The following IFI27L2 variants were observed in gnomAD, a reference collection of about 807,000 sequenced individuals.
IFI27L2 encodes interferon alpha-inducible protein 27-like protein 2.
Under a neutral mutation model 7.9 loss-of-function variants are expected in IFI27L2, and 8 were observed. The ratio of observed to expected loss-of-function variants is 1.02; its 90% CI spans 0.60 to 1.84. The LOEUF is 1.84. Among genes scored for constraint, IFI27L2 ranks in the 40% most tolerant of loss-of-function variants. The pLI, the probability that IFI27L2 is intolerant of heterozygous loss-of-function variation, is 0.00. For synonymous variants in IFI27L2, 56 were observed against 66.5 expected, an observed-to-expected ratio of 0.84 and a Z score of 0.77; for missense variants, 190 against 165.8, an observed-to-expected ratio of 1.15 and a Z score of -0.80.
In IFI27L2 at chr14:94,128,016, C is replaced by T. The variant is rs373713582; in HGVS notation, c.200-24G>A. On this transcript the variant is annotated intron_variant, in intron 3 of 3. Coordinates refer to ENST00000238609, the MANE Select transcript of IFI27L2 (RefSeq NM_032036.3). ...CCCTGTGGAGGAGACAGAGAATGAGCACAGGGGTCGGGCAGTGGCCCAGAA... is the reference window on the plus strand; with the variant it reads ...CCCTGTGGAGGAGACAGAGAATGAGTACAGGGGTCGGGCAGTGGCCCAGAA... 43 of 1,568,688 alleles carry T rather than the reference C, an allele frequency of 2.7e-5. No individual in the cohort carries two copies. The Middle Eastern group carries it at 3.0e-3, about 111-fold the overall frequency.
chr14:94,129,183 G>A (rs566824849), intron 2 of IFI27L2, 79 bp downstream of exon 2: 13 of 1,157,924 alleles, frequency 1.1e-5, no homozygotes, highest in Non-Finnish European at 1.5e-5. Context: ...CCAGCCCAGC[G>A]CCTCATCTCT....
intron 2 of IFI27L2, 110 bp from the exon 3 acceptor site, chr14:94,128,785 C>G (rs1256321690): frequency 6.7e-6 from 6 of 900,164 alleles, no homozygotes; most frequent in Non-Finnish European, 1.0e-5. Context: ...TCAGCTTGAG[C>G]AATACAGAGA....
chr14:94,127,783 C>T lies in IFI27L2; in HGVS notation c.*16G>A. 1 of 1,597,252 alleles carries T rather than the reference C, an allele frequency of 6.3e-7. No individual in the cohort carries two copies. The highest frequency in any genetic ancestry group is 2.2e-5 in the East Asian group (1 of 44,764). Reference sequence around the variant, plus strand: ...CTGCAAGAAGCAAAACAGGGAGATGCATCTGCATGTGACCTTTATTCCTCA... The same window carrying T: ...CTGCAAGAAGCAAAACAGGGAGATGTATCTGCATGTGACCTTTATTCCTCA... On this transcript the variant is annotated 3_prime_UTR_variant, in exon 4 of 4. Coordinates refer to ENST00000238609, the MANE Select transcript of IFI27L2 (RefSeq NM_032036.3).
At chr14:94,129,494 G>T (rs940026573) in intron 1 of IFI27L2, 64 bp downstream of exon 1, 2 of 1,495,886 alleles carry the variant, frequency 1.3e-6, no homozygotes, top group Non-Finnish European at 1.9e-6. Flanking sequence ...TCCCTTCCTG[G>T]GCTGGGGTTG....
At chr14:94,128,809 G>A in intron 2 of IFI27L2, 134 bp from the exon 3 acceptor site, 1 of 691,374 alleles carries the variant, frequency 1.4e-6, no homozygotes, top group East Asian at 2.7e-5. Flanking sequence ...CAACTTAGTG[G>A]TCTTCTGGTG....
chr14:94,129,325 G>T, intron 1 of IFI27L2, 34 bp from the exon 2 acceptor site: 4 of 1,368,716 alleles, frequency 2.9e-6, no homozygotes, highest in East Asian at 3.9e-5. Flanking sequence ...GGCAGAGGGA[G>T]ATGGGAAAGG....
chr14:94,129,501 G>A (rs1595419915), intron 1 of IFI27L2, 57 bp downstream of exon 1: 1 of 1,551,506 alleles, frequency 6.4e-7, no homozygotes, highest in African/African-American at 1.4e-5. Context: ...CTGGGCTGGG[G>A]TTGGGGAAGC....
At position 94,128,659 on chromosome 14, in the gene IFI27L2, A is replaced by T; in HGVS notation, c.54T>A (p.Ala18=). The change falls in exon 3 of 4, where the codon GCT becomes GCA. Residue 18 remains alanine, a synonymous_variant. Coordinates refer to ENST00000238609, the MANE Select transcript of IFI27L2 (RefSeq NM_032036.3). The stretch of plus-strand genomic sequence containing the variant: ...CCATGGCACTGAGCACCACGGGCAC[A>T]GCCCCCACTGCCAGGGCTGTGGGGA... ...AAVGGALAVG[A]VPVVLSAMGF... 1 of 1,612,902 alleles carries T rather than the reference A, an allele frequency of 6.2e-7. No homozygotes were observed. Among genetic ancestry groups the T allele is most frequent in the Non-Finnish European group, 8.5e-7 (1 of 1,179,458 alleles).
In IFI27L2 at chr14:94,128,303, T is replaced by C. The variant is rs565115869; in HGVS notation, c.199+211A>G. The C allele has an allele frequency of 5.0e-6, 3 of 604,060 alleles. No homozygotes were observed. In the East Asian group the frequency reaches 8.3e-5, roughly 17 times the overall value. The allele number at this position is 604,060 out of a possible 1,614,324, so 37.4% of individuals were successfully genotyped here. On this transcript the variant is annotated intron_variant, in intron 3 of 3. Transcript: ENST00000238609. ...AGGCATTGCTCTTGGCCTAGGTTCC[T>C]TTCCTCTTCTCCCTACCCAGCACCC...
intron 3 of IFI27L2, 59 bp downstream of exon 3, chr14:94,128,455 G>C: frequency 6.5e-7 from 1 of 1,530,128 alleles, no homozygotes; most frequent in East Asian, 2.3e-5. Flanking sequence ...GCTTCCCTCG[G>C]GCTCAGCCTC....
At chr14:94,129,408 G>C (rs1887644662) in intron 1 of IFI27L2, 117 bp from the exon 2 acceptor site, 1 of 1,028,752 alleles carries the variant, frequency 9.7e-7, no homozygotes, top group Non-Finnish European at 1.5e-6. Flanking sequence ...AGGAAGGGAA[G>C]GGGAGGGAGG....
chr14:94,128,459 C>T, intron 3 of IFI27L2, 55 bp downstream of exon 3: 1 of 1,554,214 alleles, frequency 6.4e-7, no homozygotes, highest in Non-Finnish European at 8.9e-7. Context: ...CCCTCGGGCT[C>T]AGCCTCAGGG....
Position 94,128,563 on chromosome 14 carries a change from G to A in IFI27L2, c.150C>T (p.Asn50=), listed in dbSNP as rs769849022. The change falls in exon 3 of 4, where the codon AAC becomes AAT. Residue 50 remains asparagine, a synonymous_variant. Transcript: ENST00000238609. ...AKMMSAAAIA[N]GGGVSAGSLV... is the part of the protein sequence containing the mutation. Reference sequence around the variant, plus strand: ...GGCTCCCCGCAGAAACACCACCCCCGTTGGCAATGGCTGCTGCGGACATCA... The same window carrying A: ...GGCTCCCCGCAGAAACACCACCCCCATTGGCAATGGCTGCTGCGGACATCA... 1.4e-5 allele frequency: 23 copies of A among 1,614,136 alleles called. No individual in the cohort carries two copies. The highest frequency in any genetic ancestry group is 1.6e-4 in the Middle Eastern group (1 of 6,062).
chr14:94,128,849 A>G (rs1423942871), intron 2 of IFI27L2, 174 bp from the exon 3 acceptor site: 9 of 614,270 alleles, frequency 1.5e-5, no homozygotes, highest in Non-Finnish European at 1.1e-5. Flanking sequence ...AGCCAGGTGA[A>G]GCAAAGATGT....
rs1887634192 is a variant in IFI27L2, at chr14:94,128,927, C to T, written c.38-252G>A. ...TGTGTGATGCTGAGGAAGTCAATAC[C>T]CTTCATTGGTCTCAAATTTGTGTGT... On this transcript the variant is annotated intron_variant, in intron 2 of 3. Transcript: ENST00000238609. 5 of 585,034 alleles carry T rather than the reference C, an allele frequency of 8.5e-6. No homozygotes were observed. The East Asian group carries it at 1.1e-4, about 13-fold the overall frequency. The allele number at this position is 585,034 out of a possible 1,614,324, so 36.2% of individuals were successfully genotyped here.
chr14:94,128,026 G>C (rs780342254), intron 3 of IFI27L2, 34 bp from the exon 4 acceptor site: 7 of 1,492,702 alleles, frequency 4.7e-6, no homozygotes, highest in Non-Finnish European at 6.5e-6. Context: ...CACAGGGGTC[G>C]GGCAGTGGCC....
At chr14:94,128,275 C>T (rs1887621469) in intron 3 of IFI27L2, 1 of 596,216 alleles carries the variant, frequency 1.7e-6, no homozygotes, top group African/African-American at 1.9e-5. Context: ...GGTGTCAGAA[C>T]CCAGGCATTG....
chr14:94,128,988 T>G (rs2139315445), intron 2 of IFI27L2: 2 of 575,250 alleles, frequency 3.5e-6, no homozygotes, highest in Non-Finnish European at 6.2e-6. Flanking sequence ...CACGCATAAA[T>G]GTGAAATAAG....
rs953075900 is a variant in IFI27L2 at position 94,128,601 on chromosome 14, T to C, written c.112A>G (p.Ile38Val). 9 of 1,614,158 alleles carry C rather than the reference T, an allele frequency of 5.6e-6. No individual in the cohort carries two copies. Among genetic ancestry groups the C allele is most frequent in the East Asian group, 2.2e-5 (1 of 44,872 alleles). The part of the protein sequence containing the change: ...FTGAGIAASS[I>V]AAKMMSAAAI... The stretch of plus-strand genomic sequence containing the variant: ...GCTGCGGACATCATCTTGGCTGCTA[T>C]GGAGGACGCGGCGATTCCTGCCCCA... The change falls in exon 3 of 4, where the codon ATA (isoleucine) becomes GTA (valine). Residue 38 changes from isoleucine to valine, a missense_variant. Physicochemically the swap from Ile to Val is conservative, Grantham distance 29. Coordinates refer to ENST00000238609, the MANE Select transcript of IFI27L2 (RefSeq NM_032036.3).
Sources: gnomAD v4.1 joint callset for allele counts on GRCh38, gnomAD v4.1.1 for gene constraint, MANE v1.5 for transcripts, NCBI Gene and HGNC (gene_info 2026-07-23, HGNC 2026-07-21) for gene names.